The following ASAH2 variants were observed in gnomAD, a reference collection of about 807,000 sequenced individuals.
ASAH2 encodes neutral ceramidase.
ASAH2 carries 58 observed loss-of-function variants against 82.9 expected under a neutral mutation model. That is an observed-to-expected ratio of 0.70 (90% CI 0.57 to 0.87). ASAH2 has a LOEUF of 0.87. Ranked by LOEUF, ASAH2 falls within the 40% of genes least tolerant of loss-of-function variation. ASAH2 has a pLI of 0.00. For missense variants in ASAH2, 779 were observed against 834.0 expected, an observed-to-expected ratio of 0.93 and a Z score of 0.81; for synonymous variants, 276 against 289.7, an observed-to-expected ratio of 0.95 and a Z score of 0.48.
intron 12 of ASAH2, among the ~76,000 whole-genome samples, chr10:50,206,935 A>C (rs1181768337): frequency 1.3e-5 from 2 of 151,974 alleles, no homozygotes; most frequent in African/African-American, 4.8e-5. Context: ...TGTGCTGGCT[A>C]AAAGACAAAT....
intron 18 of ASAH2, among the ~76,000 whole-genome samples, chr10:50,192,997 A>C (rs1844878918): frequency 2.1e-5 from 1 of 47,564 alleles, no homozygotes; most frequent in South Asian, 1.0e-3. Flanking sequence ...GGCCTTGATA[A>C]TTCCTCACAC....
At chr10:50,227,039 A>G (rs1038142579) in intron 7 of ASAH2, among the ~76,000 whole-genome samples, 1 of 152,330 alleles carries the variant, frequency 6.6e-6, no homozygotes, top group South Asian at 2.1e-4. Context: ...AGGTGAGACA[A>G]ATAGCACAAA....
intron 4 of ASAH2, among the ~76,000 whole-genome samples, chr10:50,239,445 C>G (rs950401795): frequency 6.6e-6 from 1 of 152,076 alleles, no homozygotes; most frequent in Non-Finnish European, 1.5e-5. Context: ...TAAACTCCTC[C>G]CCACTCTACC....
chr10:50,203,581 T>TCCTATGGTGAAGAAGG, intron 15 of ASAH2, 59 bp downstream of exon 15: 1 of 1,345,054 alleles, frequency 7.4e-7, no homozygotes, highest in East Asian at 2.3e-5. Flanking sequence ...AGGGATAGGA[T>TCCTATGGTGAAGAAGG]ATACTTTCCT....
At position 50,233,208 on chromosome 10, in the gene ASAH2, T is replaced by C. The variant is rs1241295869; in HGVS notation, c.869A>G (p.Asn290Ser). 11 of 1,611,754 alleles carry C rather than the reference T, an allele frequency of 6.8e-6. No homozygotes were observed. The Admixed American group carries it at 1.8e-4, about 27-fold the overall frequency. ...CCTGATAAGGCCCAAGTCATCTCCATTCAAATCTACCATTTTCAAAACTAT... is the reference window on the plus strand; with the variant it reads ...CCTGATAAGGCCCAAGTCATCTCCACTCAAATCTACCATTTTCAAAACTAT... ...EMIVLKMVDL[N>S]GDDLGLISWF... Residue 290 changes from asparagine to serine, a missense_variant, in exon 7 of 21, where the codon AAT becomes AGT. Physicochemically the swap from Asn to Ser is conservative, Grantham distance 46. This residue lies in a region of ASAH2 where 759 missense variants were observed against 755.2 expected (regional missense o/e 1.00). Coordinates refer to ENST00000682911, the MANE Select transcript of ASAH2 (RefSeq NM_019893.4).
chr10:50,226,788 A>T (rs1423042452), intron 7 of ASAH2, among the ~76,000 whole-genome samples: 1 of 152,118 alleles, frequency 6.6e-6, no homozygotes, highest in Non-Finnish European at 1.5e-5. Flanking sequence ...TCATTTCTGC[A>T]TTGTTCTATT....
intron 7 of ASAH2, among the ~76,000 whole-genome samples, chr10:50,230,542 C>T (rs1334884179): frequency 6.6e-6 from 1 of 152,018 alleles, no homozygotes; most frequent in Admixed American, 6.6e-5. Flanking sequence ...ATTGCAGGAG[C>T]AATTACATCA....
At position 50,206,143 on chromosome 10, in the gene ASAH2, T is replaced by C. The variant is rs1324790226; in HGVS notation, c.1415-46A>G. ...AGTATACTTCCTTGAACCAACCCTC[T>C]CAAAAAAGTCATTATCTTGACAAAT... On this transcript the variant is annotated intron_variant, in intron 12 of 20. Coordinates refer to ENST00000682911, the MANE Select transcript of ASAH2 (RefSeq NM_019893.4). 3.9e-6 allele frequency: 5 copies of C among 1,288,476 alleles called. No homozygotes were observed. In the African/African-American group the frequency reaches 5.8e-5, roughly 15 times the overall value. The allele number at this position is 1,288,476 out of a possible 1,614,324, so 79.8% of individuals were successfully genotyped here.
intron 5 of ASAH2, among the ~76,000 whole-genome samples, chr10:50,235,099 A>G (rs560894854): frequency 2.0e-5 from 3 of 152,260 alleles, no homozygotes; most frequent in African/African-American, 7.2e-5. Context: ...GTCATACACT[A>G]TATCTTACAA....
At chr10:50,242,285 G>A (rs764533659) in intron 4 of ASAH2, among the ~76,000 whole-genome samples, 3 of 152,104 alleles carry the variant, frequency 2.0e-5, no homozygotes, top group African/African-American at 4.8e-5. Context: ...GGAGGCTTCC[G>A]CTCTCCTCCC....
chr10:50,224,622 T>C (rs1055666262), intron 7 of ASAH2, among the ~76,000 whole-genome samples: 6 of 152,158 alleles, frequency 3.9e-5, no homozygotes, highest in Non-Finnish European at 8.8e-5. Context: ...ACTAATAACA[T>C]GTGTGCAGAA....
Position 50,203,680 on chromosome 10 carries a change from C to T in ASAH2, c.1626-1G>A, listed in dbSNP as rs898816477. 83 of 1,612,160 alleles carry T rather than the reference C, an allele frequency of 5.1e-5. No homozygotes were observed. Among genetic ancestry groups the T allele is most frequent in the Non-Finnish European group, 6.2e-5 (73 of 1,178,708 alleles). ...TCGAAGTCTTCGTCCAGACATGGTC[C>T]TGAGTCAAGAAAAAAATTATGTAAA... is the stretch of plus-strand genomic sequence containing the variant. On this transcript the variant is annotated splice_acceptor_variant, in intron 14 of 20. Transcript: ENST00000682911. LOFTEE classifies it high-confidence loss of function.
At chr10:50,233,356 C>A in intron 6 of ASAH2, 95 bp from the exon 7 acceptor site, 1 of 860,332 alleles carries the variant, frequency 1.2e-6, no homozygotes, top group Non-Finnish European at 2.0e-6. Context: ...AACAAAAATG[C>A]CTCTCAGTAA....
At chr10:50,225,500 T>G (rs1490195756) in intron 7 of ASAH2, among the ~76,000 whole-genome samples, 1 of 152,212 alleles carries the variant, frequency 6.6e-6, no homozygotes, top group Non-Finnish European at 1.5e-5. Context: ...AATAGACTAT[T>G]GTTTTTTTAT....
intron 9 of ASAH2, among the ~76,000 whole-genome samples, chr10:50,213,482 G>GA (rs1392269170): frequency 8.6e-5 from 13 of 151,976 alleles, no homozygotes; most frequent in African/African-American, 3.1e-4. Context: ...GACTTCTGGG[G>GA]AAAAAAATCA....
Position 50,218,647 on chromosome 10 carries a change from A to G in ASAH2, c.894-17T>C. 1.9e-6 allele frequency: 3 copies of G among 1,613,668 alleles called. No individual in the cohort carries two copies. The highest frequency in any genetic ancestry group is 2.5e-6 in the Non-Finnish European group (3 of 1,179,624). On this transcript the variant is annotated splice_polypyrimidine_tract_variant and intron_variant, in intron 7 of 20. Coordinates refer to ENST00000682911, the MANE Select transcript of ASAH2 (RefSeq NM_019893.4). ...GCAAACCAGCTGTAAAAGAGCAAGA[A>G]GCTCTAAATTAATCAGGAGAACGAG...
At chr10:50,209,177 T>C (rs1845387191) in intron 12 of ASAH2, among the ~76,000 whole-genome samples, 1 of 151,914 alleles carries the variant, frequency 6.6e-6, no homozygotes, top group Non-Finnish European at 1.5e-5. Context: ...GCTAAAACCA[T>C]AAAAATCTTA....
intron 4 of ASAH2, among the ~76,000 whole-genome samples, chr10:50,242,727 A>G (rs1477289361): frequency 2.0e-5 from 3 of 152,092 alleles, no homozygotes; most frequent in Admixed American, 6.6e-5. Flanking sequence ...ATGAATCCCT[A>G]TGTGCCTATT....
At chr10:50,244,313 A>G (rs149410583) in intron 3 of ASAH2, among the ~76,000 whole-genome samples, 1 of 152,164 alleles carries the variant, frequency 6.6e-6, no homozygotes, top group Non-Finnish European at 1.5e-5. Context: ...AAATCAGATC[A>G]CATACACCTA....
Sources: gnomAD v4.1 joint callset for allele counts (sites outside exome capture counted in the v4.1 genomes callset) on GRCh38, gnomAD v4.1.1 for gene constraint, gnomAD v4.1.1 regional missense constraint, MANE v1.5 for transcripts, NCBI Gene and HGNC (gene_info 2026-07-23, HGNC 2026-07-21) for gene names.